HECW2: variants seen among roughly 807,000 people sequenced by gnomAD.
HECW2 encodes the protein E3 ubiquitin-protein ligase HECW2.
A neutral mutation model predicts 175.2 loss-of-function variants in HECW2; 61 were observed. The ratio of observed to expected loss-of-function variants is 0.35; its 90% confidence interval spans 0.28 to 0.43. The LOEUF is 0.43. Among genes scored for constraint, HECW2 ranks in the 20% least tolerant of loss-of-function variants. The probability of loss-of-function intolerance (pLI) is 1.00; values close to 1 mark genes in which losing one functional copy is unlikely to be tolerated. For synonymous variants in HECW2, 671 were observed against 731.0 expected, an observed-to-expected ratio of 0.92 and a Z score of 1.32; for missense variants, 1,524 against 2,000.5, an observed-to-expected ratio of 0.76 and a Z score of 4.54.
At chr2:196,498,305 A>G (rs952131843) in intron 1 of HECW2, among the ~76,000 whole-genome samples, 4 of 152,218 alleles carry the variant, frequency 2.6e-5, no homozygotes, top group African/African-American at 9.6e-5. Context: ...AGCTATGTAA[A>G]TATCTTATTG....
intron 1 of HECW2, among the ~76,000 whole-genome samples, chr2:196,450,514 G>A (rs1008604894): frequency 8.0e-5 from 11 of 138,096 alleles, no homozygotes; most frequent in Middle Eastern, 8.6e-3. Flanking sequence ...TTTTTGAGAT[G>A]GAGTTTCTCT....
chr2:196,383,924 C>A (rs767624132), intron 2 of HECW2, among the ~76,000 whole-genome samples: 5 of 152,150 alleles, frequency 3.3e-5, no homozygotes, highest in Non-Finnish European at 5.9e-5. Context: ...AATCCTGTTT[C>A]TATCACTTGT....
At chr2:196,266,172 A>T (rs908856064) in intron 17 of HECW2, among the ~76,000 whole-genome samples, 5 of 94,646 alleles carry the variant, frequency 5.3e-5, no homozygotes, top group East Asian at 8.0e-4. Context: ...CTCTATTAAA[A>T]AAAAAAAAAA....
At chr2:196,509,852 G>A (rs544488475) in intron 1 of HECW2, among the ~76,000 whole-genome samples, 220 of 152,320 alleles carry the variant, frequency 1.4e-3, no homozygotes, top group Non-Finnish European at 2.4e-3. Context: ...AAAAGCAGGA[G>A]TGGTCTTGGC....
At chr2:196,436,341 C>A (rs1287648708) in intron 1 of HECW2, among the ~76,000 whole-genome samples, 1 of 145,718 alleles carries the variant, frequency 6.9e-6, no homozygotes, top group South Asian at 2.1e-4. Flanking sequence ...GCGGAGCTTG[C>A]AGTGAGCAGA....
chr2:196,506,256 A>G (rs1403954518), intron 1 of HECW2, among the ~76,000 whole-genome samples: 1 of 152,212 alleles, frequency 6.6e-6, no homozygotes, highest in Non-Finnish European at 1.5e-5. Context: ...GCTTTGAAGA[A>G]GTGATAAGCC....
intron 2 of HECW2, among the ~76,000 whole-genome samples, chr2:196,358,585 C>CAAAAAAAAAAAAAAAAAA (rs144181608): frequency 4.5e-5 from 3 of 67,330 alleles, no homozygotes; most frequent in African/African-American, 1.9e-4. Context: ...GACTCTGTCT[C>CAAAAAAAAAAAAAAAAAA]AAAAAAAAAA....
chr2:196,471,903 A>G (rs1263753102), intron 1 of HECW2, among the ~76,000 whole-genome samples: 1 of 151,854 alleles, frequency 6.6e-6, no homozygotes, highest in Non-Finnish European at 1.5e-5. Context: ...TAATCTGTAC[A>G]CCAAACCCCC....
At chr2:196,481,216 A>C (rs1232898998) in intron 1 of HECW2, among the ~76,000 whole-genome samples, 1 of 152,238 alleles carries the variant, frequency 6.6e-6, no homozygotes, top group Admixed American at 6.5e-5. Flanking sequence ...TTTGAAGACC[A>C]CAAACTTGTT....
chr2:196,439,449 C>T (rs1177195053), intron 1 of HECW2, among the ~76,000 whole-genome samples: 2 of 152,182 alleles, frequency 1.3e-5, no homozygotes, highest in Non-Finnish European at 2.9e-5. Context: ...CCACATGGCT[C>T]CTGGTTTCCA....
At chr2:196,398,746 G>A (rs904796496) in intron 2 of HECW2, among the ~76,000 whole-genome samples, 3 of 152,202 alleles carry the variant, frequency 2.0e-5, no homozygotes, top group African/African-American at 4.8e-5. Context: ...GGTTTCCCCA[G>A]TGAGAGCAAA....
chr2:196,295,716 G>A (rs1690785432), intron 13 of HECW2, among the ~76,000 whole-genome samples: 1 of 152,170 alleles, frequency 6.6e-6, no homozygotes, highest in South Asian at 2.1e-4. Context: ...AACTTCATTA[G>A]GGCAAGAAGC....
chr2:196,443,518 G>A (rs1043616801), intron 1 of HECW2, among the ~76,000 whole-genome samples: 6 of 152,256 alleles, frequency 3.9e-5, no homozygotes, highest in East Asian at 1.9e-4. Flanking sequence ...ATTAAGAAGA[G>A]CAAAACTTCA....
intron 19 of HECW2, among the ~76,000 whole-genome samples, chr2:196,248,831 T>C (rs1397688811): frequency 2.6e-5 from 4 of 152,090 alleles, no homozygotes; most frequent in African/African-American, 9.7e-5. Flanking sequence ...TCACAACCCA[T>C]CCCCTCAAGA....
chr2:196,240,295 C>CT, intron 21 of HECW2, 154 bp downstream of exon 21: 1 of 427,716 alleles, frequency 2.3e-6, no homozygotes, highest in Non-Finnish European at 4.2e-6. Flanking sequence ...CAGAGGAGAC[C>CT]TTTAAAAAAA....
chr2:196,262,268 C>A (rs557440221), intron 17 of HECW2, among the ~76,000 whole-genome samples: 1 of 152,254 alleles, frequency 6.6e-6, no homozygotes, highest in South Asian at 2.1e-4. Flanking sequence ...CTCAAGTGAT[C>A]CTCCTGCCTC....
At chr2:196,588,989 AG>A (rs1691085860) in intron 1 of HECW2, among the ~76,000 whole-genome samples, 1 of 152,162 alleles carries the variant, frequency 6.6e-6, no homozygotes, top group South Asian at 2.1e-4. Flanking sequence ...ATCATTTGTC[AG>A]GAGTTCAAGA....
At chr2:196,472,865 C>T (rs1053603026) in intron 1 of HECW2, among the ~76,000 whole-genome samples, 4 of 152,356 alleles carry the variant, frequency 2.6e-5, no homozygotes, top group South Asian at 2.1e-4. Flanking sequence ...AAGTGATCCA[C>T]CCGCCTTGGC....
chr2:196,329,093 T>C (rs1692261070), intron 5 of HECW2, among the ~76,000 whole-genome samples: 1 of 152,130 alleles, frequency 6.6e-6, no homozygotes, highest in Admixed American at 6.6e-5. Flanking sequence ...GCTTTACTTG[T>C]ATGGTAAACA....
Sources: gnomAD v4.1 joint callset for allele counts (sites outside exome capture counted in the v4.1 genomes callset) on GRCh38, gnomAD v4.1.1 for gene constraint, MANE v1.5 for transcripts, NCBI Gene and HGNC (gene_info 2026-07-23, HGNC 2026-07-21) for gene names.